The following KCNN2 variants were observed in gnomAD, a reference collection of about 807,000 sequenced individuals.
KCNN2 encodes the protein small conductance calcium-activated potassium channel protein 2.
KCNN2 carries 24 observed loss-of-function variants against 55.5 expected under a neutral mutation model. The observed-to-expected ratio is 0.43, with a 90% CI of 0.31 to 0.61. The LOEUF (loss-of-function observed/expected upper bound fraction) is 0.61. Ranked by LOEUF, KCNN2 falls within the 20% of genes least tolerant of loss-of-function variation. KCNN2 has a pLI of 0.08. For synonymous variants in KCNN2, 431 were observed against 336.1 expected (o/e 1.28, Z -3.09); for missense variants, 754 against 853.6 (o/e 0.88, Z 1.45).
intron 2 of KCNN2, among the ~76,000 whole-genome samples, chr5:114,371,495 A>G (rs1047278525): frequency 6.6e-6 from 1 of 152,172 alleles, no homozygotes; most frequent in Non-Finnish European, 1.5e-5. Flanking sequence ...ATAGCACTCT[A>G]TATTGAATGC....
At chr5:114,475,832 T>C (rs1449742665) in intron 5 of KCNN2, among the ~76,000 whole-genome samples, 2 of 152,114 alleles carry the variant, frequency 1.3e-5, no homozygotes, top group African/African-American at 4.8e-5. Flanking sequence ...GAAAAGCATC[T>C]TCCCAAACTG....
At chr5:114,483,712 ACTGTGT>A (rs1762331546) in intron 5 of KCNN2, among the ~76,000 whole-genome samples, 1 of 87,166 alleles carries the variant, frequency 1.1e-5, no homozygotes, top group African/African-American at 3.6e-5. Flanking sequence ...TTATTTTTCA[ACTGTGT>A]GTGTGTGTGT....
chr5:114,210,620 C>T (rs1228113750), intron 1 of KCNN2, among the ~76,000 whole-genome samples: 1 of 151,874 alleles, frequency 6.6e-6, no homozygotes, highest in Admixed American at 6.6e-5. Flanking sequence ...ATATATAAAA[C>T]CAAAGTGTGA....
chr5:114,401,105 G>A (rs528635212), intron 2 of KCNN2, among the ~76,000 whole-genome samples: 47 of 151,300 alleles, frequency 3.1e-4, no homozygotes, highest in Non-Finnish European at 5.6e-4. Context: ...TTAGTACACT[G>A]GATAAGTAAA....
intron 1 of KCNN2, among the ~76,000 whole-genome samples, chr5:114,081,272 G>T (rs1033584056): frequency 7.9e-5 from 12 of 152,022 alleles, no homozygotes; most frequent in African/African-American, 2.9e-4. Flanking sequence ...GATGTGTTTT[G>T]CAGAAACAGA....
intron 2 of KCNN2, among the ~76,000 whole-genome samples, chr5:114,372,380 A>G (rs1561592366): frequency 6.6e-6 from 1 of 152,112 alleles, no homozygotes; most frequent in African/African-American, 2.4e-5. Context: ...TCTATTAGCC[A>G]CCTCACATTT....
chr5:114,375,620 T>C (rs1237650310), intron 2 of KCNN2, among the ~76,000 whole-genome samples: 2 of 152,136 alleles, frequency 1.3e-5, no homozygotes, highest in Admixed American at 6.5e-5. Flanking sequence ...TGCTTGAACC[T>C]CTTGGTAATG....
At chr5:114,203,874 C>T (rs1232384764) in intron 1 of KCNN2, among the ~76,000 whole-genome samples, 2 of 152,172 alleles carry the variant, frequency 1.3e-5, no homozygotes. Context: ...CGAATAAAGA[C>T]TGGTGGAACG....
intron 1 of KCNN2, among the ~76,000 whole-genome samples, chr5:114,123,305 C>T (rs1424465139): frequency 6.7e-6 from 1 of 150,270 alleles, no homozygotes; most frequent in Non-Finnish European, 1.5e-5. Flanking sequence ...CTTAGTATAA[C>T]ATCACTTACT....
chr5:114,079,610 T>C (rs1283982290), intron 1 of KCNN2, among the ~76,000 whole-genome samples: 1 of 152,154 alleles, frequency 6.6e-6, no homozygotes, highest in African/African-American at 2.4e-5. Context: ...GTTATTGTTC[T>C]TTTTTAATAC....
chr5:114,172,001 T>G (rs1227551090), intron 1 of KCNN2, among the ~76,000 whole-genome samples: 1 of 151,956 alleles, frequency 6.6e-6, no homozygotes, highest in Non-Finnish European at 1.5e-5. Context: ...AGATGGAATG[T>G]GCTCTGGGTT....
intron 2 of KCNN2, among the ~76,000 whole-genome samples, chr5:114,352,435 A>G (rs1237552751): frequency 7.4e-6 from 1 of 134,976 alleles, no homozygotes; most frequent in East Asian, 2.6e-4. Context: ...CTTCCACTCT[A>G]GTCTTCATGA....
intron 2 of KCNN2, among the ~76,000 whole-genome samples, chr5:114,351,423 A>G (rs1348091537): frequency 1.3e-5 from 2 of 151,884 alleles, no homozygotes; most frequent in African/African-American, 2.4e-5. Context: ...TATCTATCTG[A>G]ATACCTTTTG....
chr5:114,136,338 C>T (rs1414942331), intron 1 of KCNN2, among the ~76,000 whole-genome samples: 1 of 152,186 alleles, frequency 6.6e-6, no homozygotes, highest in Non-Finnish European at 1.5e-5. Flanking sequence ...TTTTGCCTGT[C>T]TGCCTTCTGC....
intron 1 of KCNN2, among the ~76,000 whole-genome samples, chr5:114,123,351 A>ATTTTT (rs1172994171): frequency 7.7e-5 from 5 of 65,008 alleles, no homozygotes; most frequent in South Asian, 4.9e-4. Flanking sequence ...CATTTTCTTA[A>ATTTTT]TTTTTTTTTT....
chr5:114,085,073 T>C (rs1371288970), intron 1 of KCNN2, among the ~76,000 whole-genome samples: 3 of 151,822 alleles, frequency 2.0e-5, no homozygotes, highest in Non-Finnish European at 1.5e-5. Flanking sequence ...TATATATGTG[T>C]GTGTCTATTC....
intron 3 of KCNN2, among the ~76,000 whole-genome samples, chr5:114,409,274 T>C (rs1759045942): frequency 1.3e-5 from 2 of 152,366 alleles, no homozygotes; most frequent in Admixed American, 1.3e-4. Context: ...TTGGTTTTTA[T>C]TAAACTTCCC....
intron 2 of KCNN2, among the ~76,000 whole-genome samples, chr5:114,299,856 C>T (rs554217425): frequency 6.6e-6 from 1 of 152,150 alleles, no homozygotes; most frequent in African/African-American, 2.4e-5. Flanking sequence ...GGTCTATCTA[C>T]CCAGTCATCT....
intron 2 of KCNN2, among the ~76,000 whole-genome samples, chr5:114,365,718 T>G (rs1757580592): frequency 6.6e-6 from 1 of 152,258 alleles, no homozygotes; most frequent in Admixed American, 6.5e-5. Context: ...GTTTGGTATA[T>G]AAATTCAGTT....
Sources: gnomAD v4.1 joint callset for allele counts (sites outside exome capture counted in the v4.1 genomes callset) on GRCh38, gnomAD v4.1.1 for gene constraint, MANE v1.5 for transcripts, NCBI Gene and HGNC (gene_info 2026-07-23, HGNC 2026-07-21) for gene names.